The following MFSD6 variants were observed in gnomAD, a reference collection of about 807,000 sequenced individuals.
MFSD6 encodes the protein major facilitator superfamily domain containing 6, also known as major facilitator superfamily domain-containing protein 6.
In MFSD6, 26 loss-of-function variants were observed where a neutral mutation model predicts 56.3. That is an observed-to-expected ratio of 0.46 (90% CI 0.34 to 0.64). The LOEUF is 0.64. Among genes scored for constraint, MFSD6 ranks in the 30% least tolerant of loss-of-function variants. The probability of loss-of-function intolerance (pLI) is 0.01; values close to 1 mark genes in which losing one functional copy is unlikely to be tolerated. For synonymous variants in MFSD6, 331 were observed against 366.9 expected, an observed-to-expected ratio of 0.90 and a Z score of 1.12; for missense variants, 750 against 986.2, an observed-to-expected ratio of 0.76 and a Z score of 3.21.
At chr2:190,452,957 A>G (rs1686836256) in intron 3 of MFSD6, among the ~76,000 whole-genome samples, 1 of 152,218 alleles carries the variant, frequency 6.6e-6, no homozygotes, top group African/African-American at 2.4e-5. Context: ...GTGCTCATTC[A>G]ATATTTCTTT....
rs1301714004 is a variant in MFSD6 at position 190,447,530 on chromosome 2, G to C, written c.1532+9969G>C. The stretch of plus-strand genomic sequence containing the variant: ...CACATATGAAAAAATGACCTACCTA[G>C]TGATATAAAGAAGCCACATTAAAAA... On this transcript the variant is annotated intron_variant, in intron 3 of 7. Coordinates refer to ENST00000392328, the MANE Select transcript of MFSD6 (RefSeq NM_017694.4). The surrounding 1 kb of genome is among the most constrained non-coding windows in gnomAD (Gnocchi z 4.5). Among the ~76,000 whole-genome samples, 3 of 152,286 alleles carry C rather than the reference G, an allele frequency of 2.0e-5. No individual in the cohort carries two copies. In the East Asian group the frequency reaches 5.8e-4, roughly 29 times the overall value.
In MFSD6 at chr2:190,423,245, G is replaced by C. The variant is rs569740419; in HGVS notation, c.-54+7832G>C. On this transcript the variant is annotated intron_variant, in intron 2 of 7. Transcript: ENST00000392328. This position sits in a 1 kb window ranked among gnomAD's most constrained non-coding sequence, Gnocchi z 4.3. ...GAACATTTCTCTCTGTCGCCACCAA[G>C]GTCCCTCATGTTGCCCTTGTATAGC... Among the ~76,000 whole-genome samples, 1 of 152,236 alleles carries C rather than the reference G, an allele frequency of 6.6e-6. No individual in the cohort carries two copies. The highest frequency in any genetic ancestry group is 2.4e-5 in the African/African-American group (1 of 41,532).
chr2:190,433,852 A>G lies in MFSD6; in HGVS notation c.-53-2125A>G, dbSNP rs1462980741. On this transcript the variant is annotated intron_variant, in intron 2 of 7. Transcript: ENST00000392328. The surrounding 1 kb of genome is among the most constrained non-coding windows in gnomAD (Gnocchi z 4.5). ...TTTGGGAAAACAAAGAGCAAGATCT[A>G]TTCCAAGGGGTAGCAAGTGAAACTG... Among the ~76,000 whole-genome samples, 1 of 152,224 alleles carries G rather than the reference A, an allele frequency of 6.6e-6. No individual in the cohort carries two copies. Among genetic ancestry groups the G allele is most frequent in the Non-Finnish European group, 1.5e-5 (1 of 68,040 alleles).
rs1310598967 is a variant in MFSD6, at chr2:190,490,227, G to C, written c.1891+361G>C. On this transcript the variant is annotated intron_variant, in intron 6 of 7. Transcript: ENST00000392328. The surrounding 1 kb of genome is among the most constrained non-coding windows in gnomAD (Gnocchi z 4.5). ...CATTTTGCTACTAGGGATAGGGAGT[G>C]AGTGGTAATCTTCTCTATGACTTAC... Among the ~76,000 whole-genome samples, 1 of 151,534 alleles carries C rather than the reference G, an allele frequency of 6.6e-6. No homozygotes were observed. Among genetic ancestry groups the C allele is most frequent in the South Asian group, 2.1e-4 (1 of 4,808 alleles).
chr2:190,455,649 T>C (rs1686990196), intron 3 of MFSD6, among the ~76,000 whole-genome samples: 1 of 151,780 alleles, frequency 6.6e-6, no homozygotes, highest in African/African-American at 2.4e-5. Flanking sequence ...AGATATGAAG[T>C]GGAAAAAAAT....
At position 190,462,145 on chromosome 2, in the gene MFSD6, T is replaced by G. The variant is rs1225457775; in HGVS notation, c.1533-7613T>G. On this transcript the variant is annotated intron_variant, in intron 3 of 7. Transcript: ENST00000392328. This position sits in a 1 kb window ranked among gnomAD's most constrained non-coding sequence, Gnocchi z 5.7. ...TCTCCTTCTTGGTTTGTTTTTGTAT[T>G]AATATAATGTGAATATGGATATGAA... is the stretch of plus-strand genomic sequence containing the variant. Among the ~76,000 whole-genome samples the G allele has an allele frequency of 6.6e-6, 1 of 152,170 alleles. No individual in the cohort carries two copies. The highest frequency in any genetic ancestry group is 1.5e-5 in the Non-Finnish European group (1 of 68,042).
intron 2 of MFSD6, among the ~76,000 whole-genome samples, chr2:190,432,955 T>G (rs1438626698): frequency 6.6e-6 from 1 of 152,202 alleles, no homozygotes; most frequent in African/African-American, 2.4e-5. Flanking sequence ...AGTAGTAAAT[T>G]TTATTAGTTC....
rs1687386347 is a variant in MFSD6 at position 190,462,612 on chromosome 2, TC to T, written c.1533-7144del. Among the ~76,000 whole-genome samples the T allele has an allele frequency of 6.6e-6, 1 of 152,150 alleles. No homozygotes were observed. On this transcript the variant is annotated intron_variant, in intron 3 of 7. Transcript: ENST00000392328. This position sits in a 1 kb window ranked among gnomAD's most constrained non-coding sequence, Gnocchi z 5.7. The stretch of plus-strand genomic sequence containing the variant: ...TCAGTGTGCAACAGACTGTGATGAG[TC>T]CTCTAATGGAAACAAAGAGTGTAGC...
rs1469067113 is a variant in MFSD6, at chr2:190,436,041, T to C, written c.12T>C (p.Asp4=). 6.2e-7 allele frequency: 1 copy of C among 1,609,556 alleles called. No homozygotes were observed. Among genetic ancestry groups the C allele is most frequent in the East Asian group, 2.2e-5 (1 of 44,790 alleles). MAD[D]KVAILTDDEE... ...GGTGGTGGTAAGCCATGGCAGATGA[T>C]AAAGTTGCTATCTTAACGGATGATG... Residue 4 remains aspartate, a synonymous_variant, in exon 3 of 8, where the codon GAT becomes GAC. Coordinates refer to ENST00000392328, the MANE Select transcript of MFSD6 (RefSeq NM_017694.4). This position sits in a 1 kb window ranked among gnomAD's most constrained non-coding sequence, Gnocchi z 5.3.
chr2:190,437,031 C>CTGGG lies in MFSD6; in HGVS notation c.1003_1006dup (p.Gly336ValfsTer27). 6.2e-7 allele frequency: 1 copy of CTGGG among 1,614,216 alleles called. No individual in the cohort carries two copies. Among genetic ancestry groups the CTGGG allele is most frequent in the Non-Finnish European group, 8.5e-7 (1 of 1,180,036 alleles). ...TGCAGCGCATGTGGGGCTCCCTGGG[C>CTGGG]TGGGGCCTGGCGATGCTGTCTGTGG... On this transcript the variant is annotated frameshift_variant, in exon 3 of 8. Transcript: ENST00000392328. LOFTEE classifies it high-confidence loss of function. The surrounding 1 kb of genome is among the most constrained non-coding windows in gnomAD (Gnocchi z 5.9).
chr2:190,436,397 T>C lies in MFSD6; in HGVS notation c.368T>C (p.Val123Ala). Residue 123 changes from valine (V) to alanine (A), a missense_variant, in exon 3 of 8, where the codon GTA becomes GCA. Val to Ala is a moderately conservative substitution (Grantham distance 64). This residue lies in a region of MFSD6 where 376 missense variants were observed against 437.9 expected (regional missense o/e 0.86). Coordinates refer to ENST00000392328, the MANE Select transcript of MFSD6 (RefSeq NM_017694.4). This position sits in a 1 kb window ranked among gnomAD's most constrained non-coding sequence, Gnocchi z 5.3. ...TTCTGCAGTGCCCCCTTTTGGGGTG[T>C]AGTTGCAGACCGCTTTAAAAAAGGC... ...IEFCSAPFWG[V>A]VADRFKKGKI... 6.2e-7 allele frequency: 1 copy of C among 1,614,236 alleles called. No individual in the cohort carries two copies. Among genetic ancestry groups the C allele is most frequent in the Non-Finnish European group, 8.5e-7 (1 of 1,180,036 alleles).
At chr2:190,421,844 A>G (rs1210337756) in intron 2 of MFSD6, among the ~76,000 whole-genome samples, 2 of 152,180 alleles carry the variant, frequency 1.3e-5, no homozygotes, top group Non-Finnish European at 2.9e-5. Context: ...ATGTCTTTAA[A>G]TAAAATTCTT....
In MFSD6 at chr2:190,490,380, G is replaced by A. The variant is rs1211975683; in HGVS notation, c.1891+514G>A. On this transcript the variant is annotated intron_variant, in intron 6 of 7. Coordinates refer to ENST00000392328, the MANE Select transcript of MFSD6 (RefSeq NM_017694.4). The surrounding 1 kb of genome is among the most constrained non-coding windows in gnomAD (Gnocchi z 4.5). ...AGATCAAGACCATCTTGGCTAACACGGTGAAACCCCATCTCTACTAAAAAT... is the reference window on the plus strand; with the variant it reads ...AGATCAAGACCATCTTGGCTAACACAGTGAAACCCCATCTCTACTAAAAAT... Among the ~76,000 whole-genome samples, 1 of 151,938 alleles carries A rather than the reference G, an allele frequency of 6.6e-6. No individual in the cohort carries two copies. Among genetic ancestry groups the A allele is most frequent in the African/African-American group, 2.4e-5 (1 of 41,366 alleles).
In MFSD6 at chr2:190,438,472, C is replaced by T. The variant is rs1285720746; in HGVS notation, c.1532+911C>T. 6.6e-6 allele frequency among the ~76,000 whole-genome samples: 1 copy of T among 152,184 alleles called. No homozygotes were observed. Among genetic ancestry groups the T allele is most frequent in the East Asian group, 1.9e-4 (1 of 5,190 alleles). ...CAGAGGTTGCAGTGAGTCAAGATCA[C>T]ACCACTGCACACCAGCCTGGGCAAC... On this transcript the variant is annotated intron_variant, in intron 3 of 7. Transcript: ENST00000392328. The surrounding 1 kb of genome is among the most constrained non-coding windows in gnomAD (Gnocchi z 5.2).
At chr2:190,446,317 G>C (rs1321480338) in intron 3 of MFSD6, among the ~76,000 whole-genome samples, 1 of 152,172 alleles carries the variant, frequency 6.6e-6, no homozygotes, top group Non-Finnish European at 1.5e-5. Context: ...TGGACGCAGG[G>C]TGTATCCAAG....
chr2:190,445,280 G>A (rs991012582), intron 3 of MFSD6, among the ~76,000 whole-genome samples: 1 of 152,134 alleles, frequency 6.6e-6, no homozygotes, highest in East Asian at 1.9e-4. Flanking sequence ...CGGAGATGCT[G>A]TCATTGTTAA....
chr2:190,434,876 G>C lies in MFSD6; in HGVS notation c.-53-1101G>C, dbSNP rs560581202. 2.0e-5 allele frequency among the ~76,000 whole-genome samples: 3 copies of C among 152,344 alleles called. No individual in the cohort carries two copies. The highest frequency in any genetic ancestry group is 4.4e-5 in the Non-Finnish European group (3 of 68,028). ...GGCCTGTTAGGAATTGGGCTGCACAGCAAGAGCGGGCCAGCAAGCATTATC... is the reference window on the plus strand; with the variant it reads ...GGCCTGTTAGGAATTGGGCTGCACACCAAGAGCGGGCCAGCAAGCATTATC... On this transcript the variant is annotated intron_variant, in intron 2 of 7. Coordinates refer to ENST00000392328, the MANE Select transcript of MFSD6 (RefSeq NM_017694.4). This position sits in a 1 kb window ranked among gnomAD's most constrained non-coding sequence, Gnocchi z 4.3.
At position 190,499,127 on chromosome 2, in the gene MFSD6, G is replaced by A. The variant is rs537664045; in HGVS notation, c.2173-888G>A. ...CACGCCACTGCACTCCGGCCTAGGC[G>A]ACAGAGTGAGACTCCGTCTCAAAAT... On this transcript the variant is annotated intron_variant, in intron 7 of 7. Transcript: ENST00000392328. The surrounding 1 kb of genome is among the most constrained non-coding windows in gnomAD (Gnocchi z 6.0). 9.7e-4 allele frequency among the ~76,000 whole-genome samples: 148 copies of A among 152,178 alleles called. No individual in the cohort carries two copies. Among genetic ancestry groups the A allele is most frequent in the African/African-American group, 3.3e-3 (139 of 41,516 alleles).
chr2:190,411,394 A>G lies in MFSD6; in HGVS notation c.-176+2891A>G, dbSNP rs370293177. On this transcript the variant is annotated intron_variant, in intron 1 of 7. Coordinates refer to ENST00000392328, the MANE Select transcript of MFSD6 (RefSeq NM_017694.4). The stretch of plus-strand genomic sequence containing the variant: ...AGGATGGTCTCCATCTCCTGACCTC[A>G]TGATTCCCCTGCCTAGGCCTCCCAA... 5 of 773,666 alleles carry G rather than the reference A, an allele frequency of 6.5e-6. No homozygotes were observed. The African/African-American group carries it at 9.5e-5, about 15-fold the overall frequency. The allele number at this position is 773,666 out of a possible 1,614,324, so 47.9% of individuals were successfully genotyped here. A position where few individuals can be genotyped will look rare whatever the true frequency, so the allele number is the denominator to read the frequency against.
Sources: allele counts gnomAD v4.1 joint callset (sites outside exome capture counted in the v4.1 genomes callset), GRCh38; gene constraint gnomAD v4.1.1; regional missense constraint gnomAD v4.1.1; non-coding constraint Gnocchi (gnomAD v3.1); transcripts MANE v1.5; gene names NCBI Gene and HGNC (gene_info 2026-07-23, HGNC 2026-07-21).